Variants in FZD3 observed in about 807,000 individuals in gnomAD.
The protein encoded by FZD3 is frizzled class receptor 3.
Under a neutral mutation model 60.7 loss-of-function variants are expected in FZD3, and 30 were observed. The observed-to-expected ratio is 0.49, with a 90% confidence interval of 0.37 to 0.67. FZD3 has a LOEUF of 0.67. Ranked by LOEUF, FZD3 falls within the 30% of genes least tolerant of loss-of-function variation. The pLI is 0.00. For synonymous variants in FZD3, 246 were observed against 275.2 expected, an observed-to-expected ratio of 0.89 and a Z score of 1.05; for missense variants, 605 against 838.7, an observed-to-expected ratio of 0.72 and a Z score of 3.44.
chr8:28,504,780 AC>A (rs1382778843), intron 3 of FZD3, among the ~76,000 whole-genome samples: 2 of 152,222 alleles, frequency 1.3e-5, no homozygotes, highest in Non-Finnish European at 2.9e-5. Context: ...AGTACTAGAA[AC>A]ACCATGTATT....
chr8:28,525,381 A>G (rs537053013), intron 4 of FZD3, among the ~76,000 whole-genome samples: 2 of 152,218 alleles, frequency 1.3e-5, no homozygotes, highest in African/African-American at 4.8e-5. Context: ...TCTATTTTCT[A>G]TAGAGTCTTT....
chr8:28,503,279 G>A (rs767002495), intron 3 of FZD3, 77 bp downstream of exon 3: 1 of 765,456 alleles, frequency 1.3e-6, no homozygotes, highest in Admixed American at 2.5e-5. Flanking sequence ...TAATGAATGT[G>A]TTTGATAAAC....
At chr8:28,515,841 C>G (rs1042731345) in intron 3 of FZD3, among the ~76,000 whole-genome samples, 1 of 152,156 alleles carries the variant, frequency 6.6e-6, no homozygotes, top group Admixed American at 6.5e-5. Flanking sequence ...GATTTTCTTC[C>G]GTTCTGTTGG....
chr8:28,526,990 A>G (rs559485527), intron 4 of FZD3, among the ~76,000 whole-genome samples, 157 bp from the exon 5 acceptor site: 47 of 152,306 alleles, frequency 3.1e-4, no homozygotes, highest in African/African-American at 1.0e-3. Context: ...TGTATGGACC[A>G]CAAACAAGAT....
chr8:28,556,841 C>G (rs1417965357), intron 7 of FZD3, among the ~76,000 whole-genome samples: 1 of 152,154 alleles, frequency 6.6e-6, no homozygotes, highest in Non-Finnish European at 1.5e-5. Flanking sequence ...GTGATTAATT[C>G]TGGTGGCTAG....
At chr8:28,498,408 C>T (rs538249284) in intron 1 of FZD3, among the ~76,000 whole-genome samples, 36 of 151,994 alleles carry the variant, frequency 2.4e-4, no homozygotes, top group African/African-American at 8.0e-4. Context: ...CTCTTTGGGT[C>T]CAGAATCTTT....
At chr8:28,544,544 T>G (rs952441019) in intron 5 of FZD3, among the ~76,000 whole-genome samples, 9 of 152,352 alleles carry the variant, frequency 5.9e-5, no homozygotes, top group African/African-American at 2.2e-4. Flanking sequence ...AATATAAATT[T>G]ACATTGTATC....
chr8:28,562,938 A>G lies in FZD3; in HGVS notation c.1928A>G (p.Asn643Ser), dbSNP rs1384509512. ...SRHSSIRDLS[N>S]NPMTHITHGT... ...CATAGCAGCATCAGAGATCTCAGTA[A>G]TAATCCCATGACTCATATCACACAT... The change falls in exon 8 of 8, where the codon AAT becomes AGT. Residue 643 changes from asparagine (N) to serine (S), a missense_variant. Transcript: ENST00000240093. The G allele has an allele frequency of 5.6e-6, 9 of 1,613,680 alleles. No individual in the cohort carries two copies. The highest frequency in any genetic ancestry group is 7.6e-6 in the Non-Finnish European group (9 of 1,179,542).
At chr8:28,543,245 G>A (rs1421168043) in intron 5 of FZD3, among the ~76,000 whole-genome samples, 7 of 151,924 alleles carry the variant, frequency 4.6e-5, no homozygotes, top group African/African-American at 7.3e-5. Flanking sequence ...TATTACTTAC[G>A]TAAGTCACCT....
At chr8:28,498,170 T>C (rs1430855601) in intron 1 of FZD3, among the ~76,000 whole-genome samples, 3 of 152,234 alleles carry the variant, frequency 2.0e-5, no homozygotes, top group South Asian at 2.1e-4. Flanking sequence ...GAAGTGAATG[T>C]GTCTCTTTTC....
At chr8:28,537,681 CTA>C (rs1805052969) in intron 5 of FZD3, among the ~76,000 whole-genome samples, 1 of 152,194 alleles carries the variant, frequency 6.6e-6, no homozygotes, top group African/African-American at 2.4e-5. Context: ...AAGTATTATT[CTA>C]TGTCATCTTT....
intron 5 of FZD3, among the ~76,000 whole-genome samples, chr8:28,532,238 T>C (rs946302721): frequency 6.6e-6 from 1 of 152,226 alleles, no homozygotes; most frequent in African/African-American, 2.4e-5. Flanking sequence ...CTTGGTACTT[T>C]GCTCTTCTGT....
At chr8:28,520,235 AGGAAGAAAGAAAGAAATACTT>A (rs1448585893) in intron 3 of FZD3, among the ~76,000 whole-genome samples, 1 of 150,538 alleles carries the variant, frequency 6.6e-6, no homozygotes, top group African/African-American at 2.4e-5. Flanking sequence ...AAAAAAAAAA[AGGAAGAAAGAAAGAAATACTT>A]AAAGGAAGAA....
At chr8:28,501,012 G>T (rs112104596) in intron 2 of FZD3, among the ~76,000 whole-genome samples, 198 of 152,090 alleles carry the variant, frequency 1.3e-3, no homozygotes, top group African/African-American at 4.6e-3. Context: ...CGCCTGCCTC[G>T]GCCTCCCAAA....
chr8:28,528,654 T>C (rs1804783178), intron 5 of FZD3, among the ~76,000 whole-genome samples: 1 of 152,198 alleles, frequency 6.6e-6, no homozygotes, highest in African/African-American at 2.4e-5. Flanking sequence ...GAGCCTCTGG[T>C]AGTCTTAGAA....
chr8:28,503,551 T>C (rs1804056044), intron 3 of FZD3, among the ~76,000 whole-genome samples: 1 of 152,240 alleles, frequency 6.6e-6, no homozygotes, highest in Admixed American at 6.5e-5. Flanking sequence ...TCTCTCAGAA[T>C]TTTATGAAAG....
In FZD3 at chr8:28,566,957, C is replaced by T. The variant is rs1039233077; in HGVS notation, c.*3946C>T. On this transcript the variant is annotated 3_prime_UTR_variant, in exon 8 of 8. Coordinates refer to ENST00000240093, the MANE Select transcript of FZD3 (RefSeq NM_017412.4). ...AAATGAAATAGTATTTATTATAATG[C>T]TCTGTAACCCATAAATTATTCTACT... The T allele has an allele frequency of 2.0e-5, 3 of 152,050 alleles. No individual in the cohort carries two copies. The highest frequency in any genetic ancestry group is 4.4e-5 in the Non-Finnish European group (3 of 67,994). The allele number at this position is 152,050 out of a possible 1,614,324, so 9.4% of individuals were successfully genotyped here. A position where few individuals can be genotyped will look rare whatever the true frequency, so the allele number is the denominator to read the frequency against.
Position 28,527,809 on chromosome 8 carries a change from A to G in FZD3, c.1049A>G (p.Asn350Ser), listed in dbSNP as rs965485773. ...CTAACCATCATCCTTTTAGCGATGA[A>G]TAAAATTGAAGGTGACAATATTAGT... Reference protein sequence around the residue: ...GTLTIILLAMNKIEGDNISGV... With the variant: ...GTLTIILLAMSKIEGDNISGV... The change falls in exon 5 of 8, where the codon AAT (asparagine) becomes AGT (serine). Residue 350 changes from asparagine to serine, a missense_variant. Transcript: ENST00000240093. This position sits in a 1 kb window ranked among gnomAD's most constrained non-coding sequence, Gnocchi z 5.0. The G allele has an allele frequency of 2.5e-6, 4 of 1,614,138 alleles. No homozygotes were observed. Among genetic ancestry groups the G allele is most frequent in the Non-Finnish European group, 1.7e-6 (2 of 1,179,976 alleles).
At chr8:28,528,732 TTC>T (rs1211389025) in intron 5 of FZD3, among the ~76,000 whole-genome samples, 4 of 152,176 alleles carry the variant, frequency 2.6e-5, no homozygotes, top group African/African-American at 9.6e-5. Context: ...TAATTTAGAG[TTC>T]TTAAACATCT....
Sources: allele counts gnomAD v4.1 joint callset (sites outside exome capture counted in the v4.1 genomes callset), GRCh38; gene constraint gnomAD v4.1.1; non-coding constraint Gnocchi (gnomAD v3.1); transcripts MANE v1.5; gene names NCBI Gene and HGNC (gene_info 2026-07-23, HGNC 2026-07-21).